Variants in SEC24A observed in about 807,000 individuals in gnomAD.
SEC24A encodes protein transport protein Sec24A.
Under a neutral mutation model 129.4 loss-of-function variants are expected in SEC24A, and 93 were observed. That is an observed-to-expected ratio of 0.72 (90% CI 0.61 to 0.85). SEC24A has a LOEUF of 0.85. Ranked by LOEUF, SEC24A falls within the 40% of genes least tolerant of loss-of-function variation. The probability of loss-of-function intolerance (pLI) is 0.00; values close to 1 mark genes in which losing one functional copy is unlikely to be tolerated. For missense variants in SEC24A, 1,264 were observed against 1,307.4 expected, an observed-to-expected ratio of 0.97 and a Z score of 0.51; for synonymous variants, 460 against 467.3, an observed-to-expected ratio of 0.98 and a Z score of 0.20.
At chr5:134,665,631 A>G (rs1295688816) in intron 2 of SEC24A, among the ~76,000 whole-genome samples, 2 of 151,808 alleles carry the variant, frequency 1.3e-5, no homozygotes, top group Admixed American at 6.6e-5. Context: ...ATCTCAGCTC[A>G]TTGCAACCTC....
rs1045821828 is a variant in SEC24A, at chr5:134,686,794, G to T, written c.1496G>T (p.Arg499Leu). 1.3e-6 allele frequency: 2 copies of T among 1,581,356 alleles called. No individual in the cohort carries two copies. The highest frequency in any genetic ancestry group is 1.2e-5 in the South Asian group (1 of 85,662). The change falls in exon 10 of 23, where the codon CGA becomes CTA. Residue 499 changes from arginine (R) to leucine (L), a missense_variant. Coordinates refer to ENST00000398844, the MANE Select transcript of SEC24A (RefSeq NM_021982.3). ...EFMAPSEYML[R>L]PPQPPVYLFV... ...ACAAGATCTTTTTTTCTTCAGTTAC[G>T]ACCACCTCAGCCTCCAGTGTATCTC...
chr5:134,675,952 A>G, intron 6 of SEC24A, 71 bp from the exon 7 acceptor site: 1 of 1,079,584 alleles, frequency 9.3e-7, no homozygotes, highest in South Asian at 1.5e-5. Context: ...TATACCTTTT[A>G]AATCTTTGTT....
At chr5:134,699,562 G>C (rs1440117238) in intron 15 of SEC24A, among the ~76,000 whole-genome samples, 2 of 152,012 alleles carry the variant, frequency 1.3e-5, no homozygotes, top group African/African-American at 4.8e-5. Context: ...GCCTCCCAAA[G>C]TGCTGGGATT....
chr5:134,686,239 C>CT (rs796933781), intron 9 of SEC24A, among the ~76,000 whole-genome samples: 4,153 of 144,572 alleles, frequency 0.029, 172 homozygotes, highest in African/African-American at 0.095. Context: ...AGAATCCCTT[C>CT]TTTTTTTTTT....
intron 15 of SEC24A, among the ~76,000 whole-genome samples, chr5:134,699,988 A>G (rs1274351975): frequency 1.3e-5 from 2 of 151,180 alleles, no homozygotes; most frequent in Non-Finnish European, 2.9e-5. Flanking sequence ...GGTATGAGCC[A>G]CCGCACCCAG....
intron 2 of SEC24A, among the ~76,000 whole-genome samples, chr5:134,662,849 C>T (rs892165011): frequency 2.0e-5 from 3 of 152,070 alleles, no homozygotes; most frequent in African/African-American, 7.2e-5. Context: ...TGGTGGCACA[C>T]ATCAATCACT....
Position 134,725,069 on chromosome 5 carries a change from A to T in SEC24A, c.3257A>T (p.His1086Leu), listed in dbSNP as rs371086375. ...TTATCATATTATGAATTCCTGTTGC[A>T]TATACAGCAACAAGTGAATAAATGA... ...SALSYYEFLLHIQQQVNK is the reference protein window; with the variant it reads ...SALSYYEFLLLIQQQVNK Residue 1086 changes from histidine to leucine, a missense_variant, in exon 23 of 23, where the codon CAT becomes CTT. Transcript: ENST00000398844. 1 of 1,538,770 alleles carries T rather than the reference A, an allele frequency of 6.5e-7. No homozygotes were observed. The highest frequency in any genetic ancestry group is 2.3e-5 in the East Asian group (1 of 44,344).
intron 9 of SEC24A, among the ~76,000 whole-genome samples, chr5:134,684,228 GAA>G (rs1456579159): frequency 2.0e-5 from 3 of 149,436 alleles, no homozygotes; most frequent in Non-Finnish European, 3.0e-5. Flanking sequence ...GCTTGAAACC[GAA>G]AGTCAGAGGT....
At chr5:134,694,047 A>G in intron 13 of SEC24A, 114 bp downstream of exon 13, 1 of 819,494 alleles carries the variant, frequency 1.2e-6, no homozygotes, top group Non-Finnish European at 1.9e-6. Context: ...AGGGACTATA[A>G]GGAAGTTAAC....
chr5:134,710,824 C>T (rs2150108994), intron 18 of SEC24A, among the ~76,000 whole-genome samples: 1 of 152,236 alleles, frequency 6.6e-6, no homozygotes. Context: ...ATAAACTTCC[C>T]TTATAAAATT....
At chr5:134,709,143 G>A (rs1008763977) in intron 18 of SEC24A, among the ~76,000 whole-genome samples, 3 of 152,090 alleles carry the variant, frequency 2.0e-5, no homozygotes, top group Admixed American at 1.3e-4. Context: ...TCCAGGAGGC[G>A]GAGGTTGTAG....
intron 1 of SEC24A, among the ~76,000 whole-genome samples, chr5:134,657,182 G>GCACACACACACACACACACACACACACA (rs70976550): frequency 7.3e-6 from 1 of 136,214 alleles, no homozygotes; most frequent in African/African-American, 2.7e-5. Flanking sequence ...TCTGAAAAAC[G>GCACACACACACACACACACACACACACA]CACACACACA....
chr5:134,707,013 A>AT (rs777151028), intron 17 of SEC24A, among the ~76,000 whole-genome samples: 1 of 151,762 alleles, frequency 6.6e-6, no homozygotes, highest in Non-Finnish European at 1.5e-5. Flanking sequence ...TTTAAAAAAA[A>AT]TTTTTTTAGA....
At position 134,686,275 on chromosome 5, in the gene SEC24A, C is replaced by T. The variant is rs1387573225; in HGVS notation, c.1492-515C>T. On this transcript the variant is annotated intron_variant, in intron 9 of 22. Transcript: ENST00000398844. ...TTTGAGATGGAGTCTCACTTTGTCG[C>T]CCAGGCTAGAGTGCAGTGGCATAAT... 2.6e-5 allele frequency among the ~76,000 whole-genome samples: 4 copies of T among 151,358 alleles called. No homozygotes were observed. In the East Asian group the frequency reaches 7.8e-4, roughly 29 times the overall value.
At chr5:134,674,938 A>C in intron 5 of SEC24A, 107 bp from the exon 6 acceptor site, 2 of 1,165,966 alleles carry the variant, frequency 1.7e-6, no homozygotes, top group Non-Finnish European at 2.4e-6. Flanking sequence ...CCAGAACCAA[A>C]AGATTGGCCA....
chr5:134,703,913 C>G lies in SEC24A; in HGVS notation c.2421C>G (p.Leu807=). The G allele has an allele frequency of 1.9e-6, 3 of 1,584,332 alleles. No individual in the cohort carries two copies. The highest frequency in any genetic ancestry group is 1.7e-6 in the Non-Finnish European group (2 of 1,160,280). ...DTQLVSFQSA[L]LYTSSKGERR... ...AGTTGGTTTCTTTTCAGTCAGCACT[C>G]TTGTATACATCCAGCAAAGGTAAAT... is the stretch of plus-strand genomic sequence containing the variant. The change falls in exon 16 of 23, where the codon CTC becomes CTG. Residue 807 remains leucine (L), a synonymous_variant. Coordinates refer to ENST00000398844, the MANE Select transcript of SEC24A (RefSeq NM_021982.3).
intron 1 of SEC24A, among the ~76,000 whole-genome samples, chr5:134,653,798 C>G (rs182665799): frequency 1.1e-3 from 164 of 152,178 alleles, no homozygotes; most frequent in Non-Finnish European, 1.9e-3. Context: ...GAGGTCAAGA[C>G]TGCAGTGAGC....
In SEC24A at chr5:134,684,388, TCTC is replaced by T. The variant is rs1302202520; in HGVS notation, c.1491+1909_1491+1911del. On this transcript the variant is annotated intron_variant, in intron 9 of 22. Coordinates refer to ENST00000398844, the MANE Select transcript of SEC24A (RefSeq NM_021982.3). ...TTTCTGTAAACTTATGAGGAACCAGTCTCCTTACCACAGAAAAGCTTCTATATA... is the reference window on the plus strand; with the variant it reads ...TTTCTGTAAACTTATGAGGAACCAGTCTTACCACAGAAAAGCTTCTATATA... Among the ~76,000 whole-genome samples the T allele has an allele frequency of 3.3e-5, 5 of 151,834 alleles. No homozygotes were observed. The East Asian group carries it at 9.7e-4, about 29-fold the overall frequency.
In SEC24A at chr5:134,692,610, A is replaced by T. The variant is rs1301554409; in HGVS notation, c.1732A>T (p.Ile578Leu). ...TGTATTTCTTCTTTCAGATGTTTTT[A>T]TACCTATGCCAGAGAACTTATTAGT... is the stretch of plus-strand genomic sequence containing the variant. The part of the protein sequence containing the change: ...LIVSDIEDVF[I>L]PMPENLLVNL... The change falls in exon 12 of 23, where the codon ATA becomes TTA. Residue 578 changes from isoleucine (I) to leucine (L), a missense_variant. Transcript: ENST00000398844. 7.3e-7 allele frequency: 1 copy of T among 1,365,366 alleles called. No individual in the cohort carries two copies. Among genetic ancestry groups the T allele is most frequent in the Non-Finnish European group, 1.0e-6 (1 of 964,514 alleles). 84.6% of individuals were successfully genotyped at this position (1,365,366 alleles called of 1,614,324 possible). A position where few individuals can be genotyped will look rare whatever the true frequency, so the allele number is the denominator to read the frequency against.
Sources: gnomAD v4.1 joint callset for allele counts (sites outside exome capture counted in the v4.1 genomes callset) on GRCh38, gnomAD v4.1.1 for gene constraint, MANE v1.5 for transcripts, NCBI Gene and HGNC (gene_info 2026-07-23, HGNC 2026-07-21) for gene names.